CAPN8: variants seen among roughly 807,000 people sequenced by gnomAD.
CAPN8 encodes calpain-8.
Under a neutral mutation model 80.9 loss-of-function variants are expected in CAPN8, and 87 were observed. The observed-to-expected ratio is 1.07, with a 90% CI of 0.90 to 1.28. The LOEUF (loss-of-function observed/expected upper bound fraction) is 1.28. Ranked by LOEUF, CAPN8 falls within the 50% of genes most tolerant of loss-of-function variation. The pLI, the probability that CAPN8 is intolerant of heterozygous loss-of-function variation, is 0.00. For missense variants in CAPN8, 757 were observed against 702.0 expected (o/e 1.08, Z -0.89); for synonymous variants, 299 against 273.8 (o/e 1.09, Z -0.91).
rs1408667380 is a variant in CAPN8 at position 223,549,642 on chromosome 1, C to T, written c.1700-260G>A. 3 of 607,060 alleles carry T rather than the reference C, an allele frequency of 4.9e-6. No homozygotes were observed. The African/African-American group carries it at 5.5e-5, about 11-fold the overall frequency. The allele number at this position is 607,060 out of a possible 1,614,324, so 37.6% of individuals were successfully genotyped here. A position where few individuals can be genotyped will look rare whatever the true frequency, so the allele number is the denominator to read the frequency against. On this transcript the variant is annotated intron_variant, in intron 15 of 20. Coordinates refer to ENST00000366872, the MANE Select transcript of CAPN8 (RefSeq NM_001143962.2). ...GGCTTGGCTCCCCACAAGCCACAGA[C>T]TTCAGCAAATTAATATCTTTGAGCT...
chr1:223,622,735 C>T (rs1386415663), intron 7 of CAPN8, 80 bp downstream of exon 7: 7 of 1,075,740 alleles, frequency 6.5e-6, no homozygotes, highest in South Asian at 2.7e-5. Flanking sequence ...ACTGTGACAT[C>T]GATCTCATTG....
At chr1:223,619,077 C>T (rs906145893) in intron 9 of CAPN8, among the ~76,000 whole-genome samples, 1 of 152,082 alleles carries the variant, frequency 6.6e-6, no homozygotes, top group African/African-American at 2.4e-5. Flanking sequence ...GCCTGTGGTC[C>T]CAGCTACTAA....
chr1:223,641,226 A>C (rs1329177971), intron 2 of CAPN8, among the ~76,000 whole-genome samples: 1 of 152,188 alleles, frequency 6.6e-6, no homozygotes, highest in Admixed American at 6.5e-5. Context: ...AAAAGTCAAC[A>C]ACTGATTCAT....
intron 14 of CAPN8, among the ~76,000 whole-genome samples, chr1:223,551,728 G>A (rs1005577721): frequency 2.0e-5 from 3 of 152,200 alleles, no homozygotes; most frequent in Admixed American, 6.5e-5. Flanking sequence ...TAAGGAAGTC[G>A]TGATTTTGTA....
intron 2 of CAPN8, among the ~76,000 whole-genome samples, chr1:223,653,296 A>C (rs1442444794): frequency 1.3e-5 from 2 of 151,728 alleles, no homozygotes; most frequent in African/African-American, 4.8e-5. Context: ...AGCTCTTTCT[A>C]AGGTACATTT....
At chr1:223,652,251 A>G (rs1039032255) in intron 2 of CAPN8, among the ~76,000 whole-genome samples, 8 of 152,050 alleles carry the variant, frequency 5.3e-5, no homozygotes, top group African/African-American at 1.9e-4. Context: ...TTGAGGTGGG[A>G]GGATCACTTG....
intron 2 of CAPN8, among the ~76,000 whole-genome samples, chr1:223,647,744 T>TA (rs1043411831): frequency 2.0e-5 from 3 of 152,108 alleles, no homozygotes; most frequent in African/African-American, 7.2e-5. Context: ...AATAGGGCCA[T>TA]AAAAAAACAA....
At chr1:223,619,254 A>C (rs776732822) in intron 9 of CAPN8, 39 bp downstream of exon 9, 1 of 1,548,996 alleles carries the variant, frequency 6.5e-7, no homozygotes, top group African/African-American at 1.4e-5. Context: ...AGGGAGGATA[A>C]GCTGGAGGAG....
chr1:223,642,378 A>G (rs1183465326), intron 2 of CAPN8, among the ~76,000 whole-genome samples: 2 of 152,194 alleles, frequency 1.3e-5, no homozygotes, highest in Non-Finnish European at 2.9e-5. Flanking sequence ...TGCTACATAT[A>G]ATAAGGCACA....
rs547642875 is a variant in CAPN8 at position 223,623,736 on chromosome 1, C to T, written c.814-836G>A. 1.9e-4 allele frequency among the ~76,000 whole-genome samples: 29 copies of T among 152,298 alleles called. No individual in the cohort carries two copies. In the South Asian group the frequency reaches 2.9e-3, roughly 15 times the overall value. On this transcript the variant is annotated intron_variant, in intron 6 of 20. Coordinates refer to ENST00000366872, the MANE Select transcript of CAPN8 (RefSeq NM_001143962.2). ...TTGGGCCAGGCGCAGTGGCTCACGC[C>T]TGTGATCCCAGCACTTTGGGAGGCC...
At chr1:223,645,592 T>A (rs1005960569) in intron 2 of CAPN8, among the ~76,000 whole-genome samples, 1 of 152,114 alleles carries the variant, frequency 6.6e-6, no homozygotes, top group Non-Finnish European at 1.5e-5. Context: ...CCCTGTTAAA[T>A]GATGGAGAAA....
At chr1:223,616,284 A>G in intron 9 of CAPN8, 139 bp from the exon 10 acceptor site, 1 of 976,766 alleles carries the variant, frequency 1.0e-6, no homozygotes, top group Non-Finnish European at 1.5e-6. Context: ...CAGGCCTCAG[A>G]AAGTGTTCTT....
In CAPN8 at chr1:223,623,868, C is replaced by T. The variant is rs1014610314; in HGVS notation, c.814-968G>A. On this transcript the variant is annotated intron_variant, in intron 6 of 20. Transcript: ENST00000366872. ...AAAAATAATTAGCTGGGCGTGGTGGCGCGTGCCTGTAATCCCAGCTACTCG... is the reference window on the plus strand; with the variant it reads ...AAAAATAATTAGCTGGGCGTGGTGGTGCGTGCCTGTAATCCCAGCTACTCG... Among the ~76,000 whole-genome samples the T allele has an allele frequency of 3.9e-5, 6 of 151,992 alleles. No homozygotes were observed. In the South Asian group the frequency reaches 6.3e-4, roughly 16 times the overall value.
intron 1 of CAPN8, among the ~76,000 whole-genome samples, chr1:223,660,394 C>T (rs968549843): frequency 7.9e-5 from 12 of 152,160 alleles, no homozygotes; most frequent in African/African-American, 9.7e-5. Context: ...AGAACACCCC[C>T]GATCTCACAT....
intron 2 of CAPN8, among the ~76,000 whole-genome samples, chr1:223,651,283 C>T (rs1658336902): frequency 6.6e-6 from 1 of 152,142 alleles, no homozygotes; most frequent in Admixed American, 6.5e-5. Flanking sequence ...GCTGTTTCAA[C>T]AAAGGATTTA....
chr1:223,619,190 T>A, intron 9 of CAPN8, 103 bp downstream of exon 9: 1 of 1,372,896 alleles, frequency 7.3e-7, no homozygotes, highest in South Asian at 1.4e-5. Context: ...CAAGGCCCTG[T>A]CTCAAAAAAA....
chr1:223,631,452 A>C (rs1657771131), intron 2 of CAPN8, among the ~76,000 whole-genome samples: 1 of 151,946 alleles, frequency 6.6e-6, no homozygotes, highest in South Asian at 2.1e-4. Context: ...CTCCCCAGCA[A>C]GTTCTAAGGC....
At chr1:223,638,265 A>G (rs996544303) in intron 2 of CAPN8, among the ~76,000 whole-genome samples, 1 of 152,204 alleles carries the variant, frequency 6.6e-6, no homozygotes, top group African/African-American at 2.4e-5. Context: ...CAAATACTAC[A>G]TCATTCATAT....
At chr1:223,550,455 A>T (rs1335984995) in intron 15 of CAPN8, among the ~76,000 whole-genome samples, 1 of 152,076 alleles carries the variant, frequency 6.6e-6, no homozygotes, top group Non-Finnish European at 1.5e-5. Flanking sequence ...CAGAGGGGAG[A>T]TGCAAATCTT....
Sources: gnomAD v4.1 joint callset for allele counts (sites outside exome capture counted in the v4.1 genomes callset) on GRCh38, gnomAD v4.1.1 for gene constraint, MANE v1.5 for transcripts, NCBI Gene and HGNC (gene_info 2026-07-23, HGNC 2026-07-21) for gene names.